MAML3: variants seen among roughly 807,000 people sequenced by gnomAD.
MAML3 encodes the protein mastermind-like protein 3.
A neutral mutation model predicts 101.9 loss-of-function variants in MAML3; 27 were observed. The ratio of observed to expected loss-of-function variants is 0.27; its 90% CI spans 0.20 to 0.37. The LOEUF (loss-of-function observed/expected upper bound fraction) is 0.37, where lower values mean the gene tolerates loss of function less well. MAML3 is among the 10% of genes least tolerant of loss of function. The probability of loss-of-function intolerance (pLI) is 1.00; values close to 1 mark genes in which losing one functional copy is unlikely to be tolerated. For missense variants in MAML3, 1,316 were observed against 1,444.9 expected (o/e 0.91, Z 1.45); for synonymous variants, 501 against 555.9 (o/e 0.90, Z 1.39).
chr4:139,801,872 G>A (rs915807812), intron 2 of MAML3, among the ~76,000 whole-genome samples: 2 of 152,168 alleles, frequency 1.3e-5, no homozygotes, highest in South Asian at 4.1e-4. Flanking sequence ...CCTAAGTACA[G>A]GGCAGGCTGC....
chr4:139,917,458 C>T (rs1244597084), intron 1 of MAML3, among the ~76,000 whole-genome samples: 1 of 151,976 alleles, frequency 6.6e-6, no homozygotes. Flanking sequence ...GAAACCATGT[C>T]AAGTGAAAAG....
chr4:139,873,058 G>A (rs961000296), intron 2 of MAML3, among the ~76,000 whole-genome samples: 1 of 151,916 alleles, frequency 6.6e-6, no homozygotes, highest in African/African-American at 2.4e-5. Context: ...CTCCAGCCTG[G>A]GAGACAGAGT....
chr4:140,145,287 C>T (rs1729040252), intron 1 of MAML3, among the ~76,000 whole-genome samples: 1 of 152,150 alleles, frequency 6.6e-6, no homozygotes, highest in South Asian at 2.1e-4. Flanking sequence ...CCAGATTCTA[C>T]TCAACAGGAT....
intron 1 of MAML3, among the ~76,000 whole-genome samples, chr4:139,952,911 G>A (rs1412613862): frequency 2.6e-5 from 4 of 152,178 alleles, no homozygotes; most frequent in Non-Finnish European, 5.9e-5. Flanking sequence ...CTACAAGGTG[G>A]AAGGAGCTCG....
chr4:139,761,941 A>G (rs912956096), intron 2 of MAML3, among the ~76,000 whole-genome samples: 1 of 152,168 alleles, frequency 6.6e-6, no homozygotes, highest in South Asian at 2.1e-4. Context: ...AGCCCTGTGG[A>G]CAAGCAGTTC....
At chr4:139,854,887 T>C (rs1200163178) in intron 2 of MAML3, among the ~76,000 whole-genome samples, 1 of 134,842 alleles carries the variant, frequency 7.4e-6, no homozygotes, top group Non-Finnish European at 1.7e-5. Flanking sequence ...CCAGCCTGGT[T>C]GTGGAATCTG....
At chr4:140,138,554 A>G (rs1313039952) in intron 1 of MAML3, among the ~76,000 whole-genome samples, 1 of 152,236 alleles carries the variant, frequency 6.6e-6, no homozygotes, top group Non-Finnish European at 1.5e-5. Flanking sequence ...GTTACAACCC[A>G]TGAGGTGCTG....
At chr4:140,038,404 T>C (rs1727024087) in intron 1 of MAML3, among the ~76,000 whole-genome samples, 1 of 152,200 alleles carries the variant, frequency 6.6e-6, no homozygotes, top group South Asian at 2.1e-4. Flanking sequence ...AGCACATCAG[T>C]ATGGAGAGAT....
At chr4:139,867,189 T>C (rs934379134) in intron 2 of MAML3, among the ~76,000 whole-genome samples, 5 of 152,204 alleles carry the variant, frequency 3.3e-5, no homozygotes, top group Admixed American at 2.6e-4. Flanking sequence ...TGGATTGTCA[T>C]GTATTTTTTA....
chr4:139,861,477 A>ATTGTGTGTG (rs1553960820), intron 2 of MAML3, among the ~76,000 whole-genome samples: 37 of 146,494 alleles, frequency 2.5e-4, no homozygotes, highest in African/African-American at 8.4e-4. Flanking sequence ...TAACCAGCCG[A>ATTGTGTGTG]TGTGTGTGTG....
At chr4:139,805,886 A>G (rs1730692203) in intron 2 of MAML3, among the ~76,000 whole-genome samples, 1 of 152,180 alleles carries the variant, frequency 6.6e-6, no homozygotes, top group South Asian at 2.1e-4. Context: ...TGCAAGAGAA[A>G]TGATAGTCCA....
At chr4:139,845,762 A>T (rs1434516096) in intron 2 of MAML3, among the ~76,000 whole-genome samples, 1 of 152,234 alleles carries the variant, frequency 6.6e-6, no homozygotes, top group Non-Finnish European at 1.5e-5. Context: ...TTGGTACCAC[A>T]ATCCCCTTAT....
At chr4:139,862,618 G>A (rs1578635754) in intron 2 of MAML3, among the ~76,000 whole-genome samples, 2 of 152,212 alleles carry the variant, frequency 1.3e-5, no homozygotes, top group African/African-American at 4.8e-5. Flanking sequence ...TGCTGGGTAA[G>A]AGTGGATACT....
chr4:139,744,131 T>G (rs1246981168), intron 2 of MAML3, among the ~76,000 whole-genome samples: 1 of 152,228 alleles, frequency 6.6e-6, no homozygotes, highest in Non-Finnish European at 1.5e-5. Flanking sequence ...TGGAATACTC[T>G]GATTCACCTT....
intron 1 of MAML3, among the ~76,000 whole-genome samples, chr4:140,011,147 CATATATATTTATATATATGACATATA>C (rs1344439330): frequency 1.1e-5 from 1 of 92,328 alleles, no homozygotes; most frequent in Non-Finnish European, 2.1e-5. Context: ...ACACATATGT[CATATATATTTATATATATGACATATA>C]TGTCATATAT....
chr4:139,937,370 TAGACAATG>T (rs916613469), intron 1 of MAML3, among the ~76,000 whole-genome samples: 2 of 151,980 alleles, frequency 1.3e-5, no homozygotes, highest in African/African-American at 4.8e-5. Flanking sequence ...AAGTCTGGTC[TAGACAATG>T]ATCTAGCAAA....
intron 1 of MAML3, among the ~76,000 whole-genome samples, chr4:139,906,331 A>G (rs534455797): frequency 6.6e-6 from 1 of 152,370 alleles, no homozygotes; most frequent in East Asian, 1.9e-4. Flanking sequence ...CTATTAGCAA[A>G]GAAGTATAGT....
chr4:140,149,364 C>G (rs1001801844), intron 1 of MAML3, among the ~76,000 whole-genome samples: 1 of 152,188 alleles, frequency 6.6e-6, no homozygotes, highest in Non-Finnish European at 1.5e-5. Context: ...TGAGGACTCA[C>G]ACAGAACCCA....
chr4:139,771,343 T>C (rs535151595), intron 2 of MAML3, among the ~76,000 whole-genome samples: 1 of 152,334 alleles, frequency 6.6e-6, no homozygotes, highest in South Asian at 2.1e-4. Flanking sequence ...AGGACCCTTT[T>C]TGCAGTGTCA....
Sources: allele counts gnomAD v4.1 joint callset (sites outside exome capture counted in the v4.1 genomes callset), GRCh38; gene constraint gnomAD v4.1.1; transcripts MANE v1.5; gene names NCBI Gene and HGNC (gene_info 2026-07-23, HGNC 2026-07-21).